KLHL40: variants seen among roughly 807,000 people sequenced by gnomAD.
The protein encoded by KLHL40 is kelch like family member 40.
In KLHL40, 44 loss-of-function variants were observed where a neutral mutation model predicts 49.7. That is an observed-to-expected ratio of 0.89 (90% CI 0.70 to 1.14). The LOEUF is 1.14. KLHL40 is among the 50% of genes most tolerant of loss of function. The pLI, the probability that KLHL40 is intolerant of heterozygous loss-of-function variation, is 0.00. For missense variants in KLHL40, 892 were observed against 850.3 expected, an observed-to-expected ratio of 1.05 and a Z score of -0.61; for synonymous variants, 409 against 365.2, an observed-to-expected ratio of 1.12 and a Z score of -1.37.
Position 42,692,498 on chromosome 3 carries a change from G to T in KLHL40, c.*505G>T. On this transcript the variant is annotated 3_prime_UTR_variant, in exon 6 of 6. Coordinates refer to ENST00000287777, the MANE Select transcript of KLHL40 (RefSeq NM_152393.4). ...TGAAGACTTGGGGCTTCAGTGTTCTGCTGTTGGGCTGCCAAGGTCGATGGT... is the reference window on the plus strand; with the variant it reads ...TGAAGACTTGGGGCTTCAGTGTTCTTCTGTTGGGCTGCCAAGGTCGATGGT... 1.8e-6 allele frequency: 1 copy of T among 566,446 alleles called. No homozygotes were observed. Among genetic ancestry groups the T allele is most frequent in the Non-Finnish European group, 3.1e-6 (1 of 326,490 alleles). 35.1% of individuals were successfully genotyped at this position (566,446 alleles called of 1,614,324 possible). A position where few individuals can be genotyped will look rare whatever the true frequency, so the allele number is the denominator to read the frequency against.
intron 1 of KLHL40, among the ~76,000 whole-genome samples, chr3:42,687,309 C>G (rs150335359): frequency 6.6e-6 from 1 of 152,244 alleles, no homozygotes; most frequent in Non-Finnish European, 1.5e-5. Flanking sequence ...TGAGCCTTGC[C>G]AGTGGGGTGG....
At position 42,690,096 on chromosome 3, in the gene KLHL40, G is replaced by A. The variant is rs1437600083; in HGVS notation, c.1608-763G>A. On this transcript the variant is annotated intron_variant, in intron 4 of 5. Coordinates refer to ENST00000287777, the MANE Select transcript of KLHL40 (RefSeq NM_152393.4). Reference sequence around the variant, plus strand: ...GACATGTGGACTTGAAGTACCTGGGGGTGTCCAAAAGGACCCCACCCGGGA... The same window carrying A: ...GACATGTGGACTTGAAGTACCTGGGAGTGTCCAAAAGGACCCCACCCGGGA... Among the ~76,000 whole-genome samples the A allele has an allele frequency of 4.6e-5, 7 of 152,086 alleles. No homozygotes were observed. The East Asian group carries it at 9.7e-4, about 21-fold the overall frequency.
chr3:42,688,380 G>T lies in KLHL40; in HGVS notation c.1313+78G>T, dbSNP rs533441552. On this transcript the variant is annotated intron_variant, in intron 2 of 5. Coordinates refer to ENST00000287777, the MANE Select transcript of KLHL40 (RefSeq NM_152393.4). This position sits in a 1 kb window ranked among gnomAD's most constrained non-coding sequence, Gnocchi z 4.2. ...GGCCGCAGCTGGTCTAGGGCCTGGG[G>T]TGGGATTTGGAGCTAGAGCCTTGTG... 1.4e-4 allele frequency: 209 copies of T among 1,522,680 alleles called. No homozygotes were observed. The East Asian group carries it at 4.5e-3, about 33-fold the overall frequency. The allele number at this position is 1,522,680 out of a possible 1,614,324, so 94.3% of individuals were successfully genotyped here.
intron 1 of KLHL40, 86 bp downstream of exon 1, chr3:42,686,856 T>G: frequency 2.5e-6 from 3 of 1,186,054 alleles, no homozygotes; most frequent in Non-Finnish European, 3.5e-6. Flanking sequence ...GGCTTGTGTC[T>G]ACACAAGTGA....
In KLHL40 at chr3:42,692,047, C is replaced by A; in HGVS notation, c.*54C>A. ...CCTCCCATCCTGCGACCCTCACTGG[C>A]CTGGCCTTGTGGGGGCTCCAGAAAA... On this transcript the variant is annotated 3_prime_UTR_variant, in exon 6 of 6. Transcript: ENST00000287777. 8.9e-7 allele frequency: 1 copy of A among 1,120,844 alleles called. No individual in the cohort carries two copies. Among genetic ancestry groups the A allele is most frequent in the Non-Finnish European group, 1.4e-6 (1 of 732,650 alleles). The allele number at this position is 1,120,844 out of a possible 1,614,324, so 69.4% of individuals were successfully genotyped here.
chr3:42,687,069 A>G (rs1446427097), intron 1 of KLHL40, among the ~76,000 whole-genome samples: 1 of 152,256 alleles, frequency 6.6e-6, no homozygotes, highest in Admixed American at 6.5e-5. Flanking sequence ...AGTAAGGAGC[A>G]GCAAGGTCGG....
intron 4 of KLHL40, among the ~76,000 whole-genome samples, chr3:42,689,997 C>G (rs1434167097): frequency 1.3e-5 from 2 of 152,050 alleles, no homozygotes; most frequent in African/African-American, 4.8e-5. Context: ...GAAGTACATG[C>G]TTCTGAGTGA....
chr3:42,687,101 C>T (rs1320735578), intron 1 of KLHL40, among the ~76,000 whole-genome samples: 1 of 152,188 alleles, frequency 6.6e-6, no homozygotes, highest in Non-Finnish European at 1.5e-5. Context: ...TGGGCAGGGC[C>T]TCTGCGTGAA....
intron 4 of KLHL40, among the ~76,000 whole-genome samples, chr3:42,690,325 T>C (rs147289629): frequency 1.3e-5 from 2 of 152,338 alleles, no homozygotes; most frequent in Non-Finnish European, 2.9e-5. Flanking sequence ...CTGTGTGCTG[T>C]AGGACCTCAG....
chr3:42,688,022 C>A lies in KLHL40; in HGVS notation c.1153-120C>A. The A allele has an allele frequency of 1.8e-6, 2 of 1,122,968 alleles. No homozygotes were observed. The highest frequency in any genetic ancestry group is 2.6e-6 in the Non-Finnish European group (2 of 772,736). The allele number at this position is 1,122,968 out of a possible 1,614,324, so 69.6% of individuals were successfully genotyped here. Reference sequence around the variant, plus strand: ...CACTGTTTCTCAGGGCACCTCCAGGCTGTATTGGCCCTACCTGGGTTCCCG... The same window carrying A: ...CACTGTTTCTCAGGGCACCTCCAGGATGTATTGGCCCTACCTGGGTTCCCG... On this transcript the variant is annotated intron_variant, in intron 1 of 5. Transcript: ENST00000287777. This position sits in a 1 kb window ranked among gnomAD's most constrained non-coding sequence, Gnocchi z 4.2.
Position 42,688,819 on chromosome 3 carries a change from G to A in KLHL40, c.1422-50G>A, listed in dbSNP as rs770072215. On this transcript the variant is annotated intron_variant, in intron 3 of 5. Coordinates refer to ENST00000287777, the MANE Select transcript of KLHL40 (RefSeq NM_152393.4). This position sits in a 1 kb window ranked among gnomAD's most constrained non-coding sequence, Gnocchi z 4.2. ...CCCCGGCAGGTGATTGCAGGGAGGC[G>A]TGGCTGGGCTCCTGCTTCTCTCCAC... The A allele has an allele frequency of 2.3e-5, 36 of 1,593,868 alleles. No individual in the cohort carries two copies. Among genetic ancestry groups the A allele is most frequent in the Admixed American group, 3.3e-5 (2 of 59,940 alleles).
In KLHL40 at chr3:42,689,018, C is replaced by T. The variant is rs2125845609; in HGVS notation, c.1571C>T (p.Thr524Ile). The T allele has an allele frequency of 6.2e-7, 1 of 1,614,102 alleles. No homozygotes were observed. The highest frequency in any genetic ancestry group is 2.2e-5 in the East Asian group (1 of 44,888). The stretch of plus-strand genomic sequence containing the variant: ...GCTGGGGTCACCGACACAGGGCTGA[C>T]CAGTTCTGCCGAAGTGTACAGCATC... ...VAAGVTDTGLTSSAEVYSITD... is the reference protein window; with the variant it reads ...VAAGVTDTGLISSAEVYSITD... The change falls in exon 4 of 6, where the codon ACC becomes ATC. Residue 524 changes from threonine (T) to isoleucine (I), a missense_variant. Thr to Ile is a moderately conservative substitution (Grantham distance 89). Coordinates refer to ENST00000287777, the MANE Select transcript of KLHL40 (RefSeq NM_152393.4).
chr3:42,686,544 CCCTGCGCTTCGGCATGTT>C lies in KLHL40; in HGVS notation c.932_949del (p.Arg311_Leu316del). 6.2e-7 allele frequency: 1 copy of C among 1,614,162 alleles called. No homozygotes were observed. Among genetic ancestry groups the C allele is most frequent in the Non-Finnish European group, 8.5e-7 (1 of 1,180,012 alleles). ...ATCCTTCCTGGGATCCTCAATGACA[CCCTGCGCTTCGGCATGTT>C]CCTGCAGGATCTCATCTTCATGATC... On this transcript the variant is annotated inframe_deletion, in exon 1 of 6. Coordinates refer to ENST00000287777, the MANE Select transcript of KLHL40 (RefSeq NM_152393.4).
In KLHL40 at chr3:42,685,718, G is replaced by T. The variant is rs778565563; in HGVS notation, c.100G>T (p.Asp34Tyr). The change falls in exon 1 of 6, where the codon GAC becomes TAC. Residue 34 changes from aspartate (D) to tyrosine (Y), a missense_variant. Asp to Tyr is a radical substitution (Grantham distance 160, BLOSUM62 -3). Transcript: ENST00000287777. ...KDMLDHGKFL[D>Y]CVVRAGEREF... is the part of the protein sequence containing the mutation. Reference sequence around the variant, plus strand: ...CATGCTGGACCATGGCAAGTTCCTCGACTGTGTGGTGCGGGCGGGCGAGCG... The same window carrying T: ...CATGCTGGACCATGGCAAGTTCCTCTACTGTGTGGTGCGGGCGGGCGAGCG... 6 of 1,613,164 alleles carry T rather than the reference G, an allele frequency of 3.7e-6. No homozygotes were observed. Among genetic ancestry groups the T allele is most frequent in the South Asian group, 1.1e-5 (1 of 91,076 alleles).
rs371116469 is a variant in KLHL40, at chr3:42,691,909, G to A, written c.1782G>A (p.Glu594=). ...WRYNEEEKKW[E]GVLREIAYAA... is the part of the protein sequence containing the mutation. ...ATAACGAGGAGGAGAAGAAATGGGAGGGTGTCCTGCGGGAGATCGCCTATG... is the reference window on the plus strand; with the variant it reads ...ATAACGAGGAGGAGAAGAAATGGGAAGGTGTCCTGCGGGAGATCGCCTATG... Residue 594 remains glutamate (E), a synonymous_variant, in exon 6 of 6, where the codon GAG becomes GAA. Transcript: ENST00000287777. 5.0e-6 allele frequency: 8 copies of A among 1,613,262 alleles called. No individual in the cohort carries two copies. Among genetic ancestry groups the A allele is most frequent in the Middle Eastern group, 1.7e-4 (1 of 6,058 alleles).
Position 42,692,528 on chromosome 3 carries a change from G to C in KLHL40, c.*535G>C, listed in dbSNP as rs1424260413. The C allele has an allele frequency of 4.0e-6, 3 of 742,896 alleles. No homozygotes were observed. In the East Asian group the frequency reaches 8.7e-5, roughly 22 times the overall value. 46.0% of individuals were successfully genotyped at this position (742,896 alleles called of 1,614,324 possible). ...TGGGCTGCCAAGGTCGATGGTCTCT[G>C]CTCTCCATCTGGTGTCCCCTCCACC... On this transcript the variant is annotated 3_prime_UTR_variant, in exon 6 of 6. Coordinates refer to ENST00000287777, the MANE Select transcript of KLHL40 (RefSeq NM_152393.4).
In KLHL40 at chr3:42,691,943, G is replaced by A; in HGVS notation, c.1816G>A (p.Ala606Thr). The A allele has an allele frequency of 5.0e-6, 8 of 1,613,774 alleles. No individual in the cohort carries two copies. Among genetic ancestry groups the A allele is most frequent in the Non-Finnish European group, 6.8e-6 (8 of 1,179,660 alleles). ...GCGGGAGATCGCCTATGCAGCAGGT[G>A]CCACCTTCCTACCAGTGCGGCTCAA... Reference protein sequence around the residue: ...VLREIAYAAGATFLPVRLNVL... With the variant: ...VLREIAYAAGTTFLPVRLNVL... The change falls in exon 6 of 6, where the codon GCC becomes ACC. Residue 606 changes from alanine to threonine, a missense_variant. Coordinates refer to ENST00000287777, the MANE Select transcript of KLHL40 (RefSeq NM_152393.4).
chr3:42,686,640 C>T lies in KLHL40; in HGVS notation c.1022C>T (p.Ala341Val), dbSNP rs747005215. Residue 341 changes from alanine to valine, a missense_variant, in exon 1 of 6, where the codon GCT becomes GTT. Ala to Val is a moderately conservative substitution (Grantham distance 64, BLOSUM62 0). Transcript: ENST00000287777. Reference protein sequence around the residue: ...YDPAANECYCASLSNQVPKNH... With the variant: ...YDPAANECYCVSLSNQVPKNH... ...CCAGCAGCCAACGAGTGCTACTGTG[C>T]TTCCCTCTCCAACCAGGTCCCCAAG... 1.9e-6 allele frequency: 3 copies of T among 1,614,054 alleles called. No individual in the cohort carries two copies. The Admixed American group carries it at 5.0e-5, about 27-fold the overall frequency.
chr3:42,690,027 G>A (rs1697336201), intron 4 of KLHL40, among the ~76,000 whole-genome samples: 1 of 152,170 alleles, frequency 6.6e-6, no homozygotes, highest in East Asian at 1.9e-4. Flanking sequence ...GCCATTTACT[G>A]GATAATCATT....
Sources: allele counts gnomAD v4.1 joint callset (sites outside exome capture counted in the v4.1 genomes callset), GRCh38; gene constraint gnomAD v4.1.1; non-coding constraint Gnocchi (gnomAD v3.1); transcripts MANE v1.5; gene names NCBI Gene and HGNC (gene_info 2026-07-23, HGNC 2026-07-21).